Variants in PHEX observed in about 807,000 individuals in gnomAD.
PHEX encodes phosphate-regulating neutral endopeptidase PHEX.
A neutral mutation model predicts 68.0 loss-of-function variants in PHEX; 16 were observed. The ratio of observed to expected loss-of-function variants is 0.24; its 90% CI spans 0.16 to 0.36. The LOEUF (loss-of-function observed/expected upper bound fraction) is 0.36, where lower values mean the gene tolerates loss of function less well. Ranked by LOEUF, PHEX falls within the 10% of genes least tolerant of loss-of-function variation. The pLI is 1.00. For missense variants in PHEX, 480 were observed against 575.5 expected (o/e 0.83, Z 1.70); for synonymous variants, 208 against 205.1 (o/e 1.01, Z -0.12).
intron 5 of PHEX, 55 bp downstream of exon 5, chrX:22,077,757 G>T: frequency 1.1e-6 from 1 of 913,806 alleles, no homozygotes; most frequent in Non-Finnish European, 1.6e-6. Flanking sequence ...GCCTTTTGGG[G>T]TGCCATCCTG....
chrX:22,242,553 T>C (rs1936257341), intron 20 of PHEX, among the ~76,000 whole-genome samples: 1 of 111,922 alleles, frequency 8.9e-6, no homozygotes, highest in African/African-American at 3.3e-5. Context: ...CAAAATCTCC[T>C]TAAGCTGATA....
At chrX:22,208,674 G>A (rs1246963316) in intron 15 of PHEX, among the ~76,000 whole-genome samples, 1 of 111,895 alleles carries the variant, frequency 8.9e-6, no homozygotes, top group Non-Finnish European at 1.9e-5. Context: ...CATAAACTGA[G>A]GATGGGGCCC....
chrX:22,076,591 T>A (rs779960753), intron 4 of PHEX, 117 bp downstream of exon 4: 3 of 524,536 alleles, frequency 5.7e-6, no homozygotes, highest in African/African-American at 4.7e-5. Context: ...TATTAATGTT[T>A]AAAGGTGTTA....
intron 3 of PHEX, among the ~76,000 whole-genome samples, chrX:22,067,020 G>A (rs1928634951): frequency 9.0e-6 from 1 of 110,521 alleles, no homozygotes; most frequent in Admixed American, 9.6e-5. Flanking sequence ...GAGGTGGGTG[G>A]ATTGCTTGAG....
rs370527485 is a variant in PHEX, at chrX:22,092,749, C to CTTTTTTTTTTTTTTTT, written c.733-1231_733-1216dup. 1.5e-4 allele frequency among the ~76,000 whole-genome samples: 12 copies of CTTTTTTTTTTTTTTTT among 77,950 alleles called. 1 individual carries two copies. Among genetic ancestry groups the CTTTTTTTTTTTTTTTT allele is most frequent in the African/African-American group, 5.6e-4 (10 of 18,008 alleles). 67.7% of individuals were successfully genotyped at this position (77,950 alleles called of 115,157 possible). On this transcript the variant is annotated intron_variant, in intron 6 of 21. Transcript: ENST00000379374. ...AAGACTTCTTTTCTTTTCTTTCTTT[C>CTTTTTTTTTTTTTTTT]TTTTTTTTTTTTTTTTTTGAGATGG...
In PHEX at chrX:22,249,450, AAAAAAATAT is replaced by A. The variant is rs1316416888; in HGVS notation, c.*1499_*1507del. 2.0e-4 allele frequency: 8 copies of A among 40,853 alleles called. No homozygotes were observed. Among genetic ancestry groups the A allele is most frequent in the African/African-American group, 8.6e-4 (8 of 9,251 alleles). The allele number at this position is 40,853 out of a possible 1,213,427, so 3.4% of individuals were successfully genotyped here. A position where few individuals can be genotyped will look rare whatever the true frequency, so the allele number is the denominator to read the frequency against. On this transcript the variant is annotated 3_prime_UTR_variant, in exon 22 of 22. Coordinates refer to ENST00000379374, the MANE Select transcript of PHEX (RefSeq NM_000444.6). ...GTGATTTGTGATTCTTTTAAAAAAA[AAAAAAATAT>A]ATATATATATATATATATATATATA...
At chrX:22,112,058 A>G (rs974598724) in intron 10 of PHEX, among the ~76,000 whole-genome samples, 2 of 112,105 alleles carry the variant, frequency 1.8e-5, no homozygotes, top group African/African-American at 6.5e-5. Context: ...CTTTGAATCT[A>G]TCCTCTGCTA....
At chrX:22,211,278 A>G (rs1934913350) in intron 15 of PHEX, among the ~76,000 whole-genome samples, 1 of 112,163 alleles carries the variant, frequency 8.9e-6, no homozygotes, top group Non-Finnish European at 1.9e-5. Flanking sequence ...AGCAGGAAAA[A>G]ATGCCATTGA....
At chrX:22,083,498 G>A (rs2147027636) in intron 5 of PHEX, among the ~76,000 whole-genome samples, 1 of 112,252 alleles carries the variant, frequency 8.9e-6, no homozygotes, top group East Asian at 2.8e-4. Context: ...TCATAAGCAT[G>A]GAGTATCCTT....
chrX:22,042,510 C>T (rs181013176), intron 2 of PHEX, among the ~76,000 whole-genome samples: 177 of 112,516 alleles, frequency 1.6e-3, no homozygotes, highest in Non-Finnish European at 2.4e-3. Context: ...ATGGACTGGG[C>T]ACGGTGGCTC....
intron 12 of PHEX, 111 bp from the exon 13 acceptor site, chrX:22,168,201 A>G (rs1933399219): frequency 1.0e-5 from 6 of 591,637 alleles, no homozygotes; most frequent in Admixed American, 2.4e-5. Flanking sequence ...TGCATATAGT[A>G]GATATTCAGT....
intron 13 of PHEX, 52 bp downstream of exon 13, chrX:22,168,441 T>C: frequency 1.2e-6 from 1 of 823,891 alleles, no homozygotes; most frequent in Non-Finnish European, 1.8e-6. Context: ...TTTACTGGCC[T>C]TGTGCCTTTC....
intron 15 of PHEX, among the ~76,000 whole-genome samples, chrX:22,190,990 A>G (rs190402839): frequency 1.8e-5 from 2 of 111,922 alleles, no homozygotes; most frequent in Non-Finnish European, 3.8e-5. Context: ...ATATGTAATT[A>G]AAAATACCAT....
chrX:22,092,819 G>A (rs1340669787), intron 6 of PHEX, among the ~76,000 whole-genome samples: 1 of 91,624 alleles, frequency 1.1e-5, no homozygotes, highest in African/African-American at 4.5e-5. Flanking sequence ...GCATAATCTC[G>A]GCTCACTGCA....
At chrX:22,210,945 G>C (rs1160261533) in intron 15 of PHEX, among the ~76,000 whole-genome samples, 2 of 107,496 alleles carry the variant, frequency 1.9e-5, no homozygotes, top group Non-Finnish European at 3.8e-5. Flanking sequence ...GGAGGAGAGA[G>C]AGAAAAAAAA....
chrX:22,075,384 G>T (rs751102777), intron 3 of PHEX, among the ~76,000 whole-genome samples: 1 of 103,875 alleles, frequency 9.6e-6, no homozygotes, highest in Non-Finnish European at 1.9e-5. Context: ...AATTAGTGCC[G>T]TACATTTTGT....
At chrX:22,210,599 G>T (rs1436371758) in intron 15 of PHEX, among the ~76,000 whole-genome samples, 1 of 111,269 alleles carries the variant, frequency 9.0e-6, no homozygotes, top group Non-Finnish European at 1.9e-5. Flanking sequence ...ATATCTGAGT[G>T]AGAATGACTT....
chrX:22,123,862 C>T (rs1357410803), intron 11 of PHEX, among the ~76,000 whole-genome samples: 2 of 103,558 alleles, frequency 1.9e-5, no homozygotes, highest in African/African-American at 3.7e-5. Context: ...GACCAAGTCT[C>T]GCCCTGTTGC....
chrX:22,189,066 A>G (rs1279512332), intron 14 of PHEX, among the ~76,000 whole-genome samples: 1 of 112,826 alleles, frequency 8.9e-6, no homozygotes, highest in Non-Finnish European at 1.9e-5. Flanking sequence ...TTCACTTAAC[A>G]TAATGACCTC....
Sources: gnomAD v4.1 joint callset for allele counts (sites outside exome capture counted in the v4.1 genomes callset) on GRCh38, gnomAD v4.1.1 for gene constraint, MANE v1.5 for transcripts, NCBI Gene and HGNC (gene_info 2026-07-23, HGNC 2026-07-21) for gene names.